The following CCNE1 variants were observed in gnomAD, a reference collection of about 807,000 sequenced individuals.
The protein encoded by CCNE1 is G1/S-specific cyclin-E1.
CCNE1 carries 8 observed loss-of-function variants against 54.1 expected under a neutral mutation model. The observed-to-expected ratio is 0.15, with a 90% confidence interval of 0.09 to 0.27. The LOEUF (loss-of-function observed/expected upper bound fraction) is 0.27. Ranked by LOEUF, CCNE1 falls within the 10% of genes least tolerant of loss-of-function variation. The pLI, the probability that CCNE1 is intolerant of heterozygous loss-of-function variation, is 1.00. For missense variants in CCNE1, 430 were observed against 514.9 expected (o/e 0.84, Z 1.60); for synonymous variants, 179 against 185.2 (o/e 0.97, Z 0.27).
At chr19:29,815,126 A>G (rs1042577012) in intron 4 of CCNE1, among the ~76,000 whole-genome samples, 3 of 152,174 alleles carry the variant, frequency 2.0e-5, no homozygotes, top group African/African-American at 4.8e-5. Flanking sequence ...TTTGGAAACC[A>G]TTTGTCTGCT....
chr19:29,814,798 T>G (rs1418965086), intron 4 of CCNE1, among the ~76,000 whole-genome samples: 1 of 152,240 alleles, frequency 6.6e-6, no homozygotes. Flanking sequence ...ATTTTCATCT[T>G]AGGCTGTTCT....
rs932866935 is a variant in CCNE1, at chr19:29,823,855, G to A, written c.*78G>A. 10 of 1,435,372 alleles carry A rather than the reference G, an allele frequency of 7.0e-6. No homozygotes were observed. The highest frequency in any genetic ancestry group is 4.5e-5 in the Admixed American group (2 of 44,782). The allele number at this position is 1,435,372 out of a possible 1,614,324, so 88.9% of individuals were successfully genotyped here. On this transcript the variant is annotated 3_prime_UTR_variant, in exon 12 of 12. Coordinates refer to ENST00000262643, the MANE Select transcript of CCNE1 (RefSeq NM_001238.4). ...TCTGTCTGTTGCAGCGGAGGCGTGC[G>A]TTTGCTTTTACAGATATCTGAATGG...
At chr19:29,812,631 G>A (rs2145714778) in intron 2 of CCNE1, 53 bp downstream of exon 2, 1 of 1,550,614 alleles carries the variant, frequency 6.4e-7, no homozygotes, top group Non-Finnish European at 8.7e-7. Flanking sequence ...GGGACGGGTG[G>A]CGTGGGGGAG....
At chr19:29,818,829 C>T (rs1201256854) in intron 6 of CCNE1, among the ~76,000 whole-genome samples, 3 of 148,972 alleles carry the variant, frequency 2.0e-5, no homozygotes, top group Non-Finnish European at 4.4e-5. Context: ...ATGGTGTGAT[C>T]TTGGCTCACC....
chr19:29,823,455 G>A (rs766426298), intron 11 of CCNE1, among the ~76,000 whole-genome samples, 200 bp from the exon 12 acceptor site: 2 of 152,162 alleles, frequency 1.3e-5, no homozygotes, highest in South Asian at 2.1e-4. Context: ...AGGCTGAGGC[G>A]GGAGAATCGG....
chr19:29,822,928 A>G (rs1463285607), intron 11 of CCNE1, among the ~76,000 whole-genome samples: 2 of 145,836 alleles, frequency 1.4e-5, no homozygotes, highest in African/African-American at 5.2e-5. Flanking sequence ...TGGGCAACAG[A>G]GCGAAACTAT....
rs1205090200 is a variant in CCNE1, at chr19:29,812,022, T to TATAC, written c.-154_-153insTACA. 1 of 146,076 alleles carries TATAC rather than the reference T, an allele frequency of 6.8e-6. No individual in the cohort carries two copies. Among genetic ancestry groups the TATAC allele is most frequent in the Non-Finnish European group, 1.5e-5 (1 of 65,630 alleles). The allele number at this position is 146,076 out of a possible 1,614,324, so 9.0% of individuals were successfully genotyped here. A position where few individuals can be genotyped will look rare whatever the true frequency, so the allele number is the denominator to read the frequency against. On this transcript the variant is annotated 5_prime_UTR_variant, in exon 1 of 12. Transcript: ENST00000262643. ...AGCCGGCGCGGCCGCCAGCGCGGTG[T>TATAC]AGGGGGCAGGCGCGGATCCCGCCAC...
chr19:29,823,337 A>T, intron 11 of CCNE1, among the ~76,000 whole-genome samples: 1 of 152,166 alleles, frequency 6.6e-6, no homozygotes, highest in Non-Finnish European at 1.5e-5. Context: ...TGATATCAGG[A>T]GTTCAAGACT....
chr19:29,818,286 A>G (rs1974074815), intron 6 of CCNE1, among the ~76,000 whole-genome samples: 1 of 152,110 alleles, frequency 6.6e-6, no homozygotes, highest in Non-Finnish European at 1.5e-5. Flanking sequence ...TTGGCCTCCC[A>G]AAGTGCTGAG....
intron 6 of CCNE1, among the ~76,000 whole-genome samples, chr19:29,819,476 C>T (rs1245206537): frequency 1.3e-5 from 2 of 151,904 alleles, no homozygotes; most frequent in East Asian, 3.9e-4. Flanking sequence ...GAGTTGGGGT[C>T]TTGCTATGTT....
intron 3 of CCNE1, 36 bp from the exon 4 acceptor site, chr19:29,812,933 T>G (rs752439174): frequency 9.9e-6 from 16 of 1,612,654 alleles, no homozygotes; most frequent in Non-Finnish European, 1.2e-5. Flanking sequence ...TTGTTTGGTG[T>G]GTTTCCTTGG....
Position 29,822,428 on chromosome 19 carries a change from A to C in CCNE1, c.953-18A>C. 1 of 1,613,898 alleles carries C rather than the reference A, an allele frequency of 6.2e-7. No individual in the cohort carries two copies. The highest frequency in any genetic ancestry group is 1.1e-5 in the South Asian group (1 of 91,068). On this transcript the variant is annotated intron_variant, in intron 10 of 11. Coordinates refer to ENST00000262643, the MANE Select transcript of CCNE1 (RefSeq NM_001238.4). ...CAGTTGTCAGCCTCAGATTAAGCCC[A>C]CGATGTCTTCACTGCAGGGTATCAG...
Position 29,820,824 on chromosome 19 carries a change from T to C in CCNE1, c.585T>C (p.Ser195=). ...TTTTACAGCTTATTGGGATTTCATC[T>C]TTATTTATTGCAGCCAAACTTGAGG... ...KTLLQLIGIS[S]LFIAAKLEEI... The change falls in exon 7 of 12, where the codon TCT becomes TCC. Residue 195 remains serine, a synonymous_variant. Transcript: ENST00000262643. The C allele has an allele frequency of 6.2e-7, 1 of 1,600,416 alleles. No homozygotes were observed. Among genetic ancestry groups the C allele is most frequent in the South Asian group, 1.1e-5 (1 of 89,310 alleles).
chr19:29,824,215 A>T lies in CCNE1; in HGVS notation c.*438A>T. 1 of 247,066 alleles carries T rather than the reference A, an allele frequency of 4.0e-6. No homozygotes were observed. Among genetic ancestry groups the T allele is most frequent in the Non-Finnish European group, 7.8e-6 (1 of 127,390 alleles). The allele number at this position is 247,066 out of a possible 1,614,324, so 15.3% of individuals were successfully genotyped here. On this transcript the variant is annotated 3_prime_UTR_variant, in exon 12 of 12. Coordinates refer to ENST00000262643, the MANE Select transcript of CCNE1 (RefSeq NM_001238.4). ...CTGGGCAGGGGGCTGCCCTCTCCAC[A>T]TTATCAGTTGACAGTGTACAATGCC...
intron 6 of CCNE1, among the ~76,000 whole-genome samples, chr19:29,819,043 G>A (rs533200695): frequency 9.2e-5 from 14 of 152,090 alleles, no homozygotes; most frequent in Non-Finnish European, 1.9e-4. Context: ...GATTACAGGC[G>A]TGAGCCACTG....
chr19:29,823,236 C>A (rs1191231874), intron 11 of CCNE1, among the ~76,000 whole-genome samples: 1 of 151,996 alleles, frequency 6.6e-6, no homozygotes, highest in Non-Finnish European at 1.5e-5. Context: ...CATAGGGAGA[C>A]CCTGTCCCTA....
chr19:29,821,898 A>G, intron 8 of CCNE1, 81 bp downstream of exon 8: 2 of 1,501,426 alleles, frequency 1.3e-6, no homozygotes, highest in African/African-American at 1.4e-5. Flanking sequence ...TGCCTCTGGG[A>G]GGTGTTCTCC....
chr19:29,817,316 C>G, intron 5 of CCNE1, 34 bp downstream of exon 5: 5 of 1,613,976 alleles, frequency 3.1e-6, no homozygotes, highest in Non-Finnish European at 4.2e-6. Context: ...GCTTCCAGGT[C>G]TCTTACTCCA....
rs930906672 is a variant in CCNE1 at position 29,812,469 on chromosome 19, G to T, written c.-24-63G>T. 2.1e-4 allele frequency: 240 copies of T among 1,119,518 alleles called. 1 individual carries two copies. The highest frequency in any genetic ancestry group is 2.5e-4 in the Non-Finnish European group (228 of 895,134). The allele number at this position is 1,119,518 out of a possible 1,614,324, so 69.3% of individuals were successfully genotyped here. A position where few individuals can be genotyped will look rare whatever the true frequency, so the allele number is the denominator to read the frequency against. ...CTCGCCCGGCCGCCCGCGCGCAAAGGGGGAAGGGGTACTGGGCCCGCGGCC... is the reference window on the plus strand; with the variant it reads ...CTCGCCCGGCCGCCCGCGCGCAAAGTGGGAAGGGGTACTGGGCCCGCGGCC... On this transcript the variant is annotated intron_variant, in intron 1 of 11. Coordinates refer to ENST00000262643, the MANE Select transcript of CCNE1 (RefSeq NM_001238.4).
Sources: gnomAD v4.1 joint callset for allele counts (sites outside exome capture counted in the v4.1 genomes callset) on GRCh38, gnomAD v4.1.1 for gene constraint, MANE v1.5 for transcripts, NCBI Gene and HGNC (gene_info 2026-07-23, HGNC 2026-07-21) for gene names.